The following IQCH variants were observed in gnomAD, a reference collection of about 807,000 sequenced individuals.
The protein encoded by IQCH is IQ domain-containing protein H.
In IQCH, 98 loss-of-function variants were observed where a neutral mutation model predicts 117.0. The ratio of observed to expected loss-of-function variants is 0.84; its 90% CI spans 0.71 to 0.99. IQCH has a LOEUF of 0.99. Ranked by LOEUF, IQCH falls within the 50% of genes least tolerant of loss-of-function variation. The pLI, the probability that IQCH is intolerant of heterozygous loss-of-function variation, is 0.00. For synonymous variants in IQCH, 412 were observed against 448.2 expected, an observed-to-expected ratio of 0.92 and a Z score of 1.02; for missense variants, 1,102 against 1,243.8, an observed-to-expected ratio of 0.89 and a Z score of 1.72.
chr15:67,302,226 C>T (rs148825606), intron 4 of IQCH, among the ~76,000 whole-genome samples: 3 of 152,156 alleles, frequency 2.0e-5, no homozygotes, highest in African/African-American at 4.8e-5. Flanking sequence ...TTAAAAACAC[C>T]CTAATTACAG....
At chr15:67,323,265 C>T (rs140958912) in intron 4 of IQCH, among the ~76,000 whole-genome samples, 9,533 of 110,474 alleles carry the variant, frequency 0.086, 469 homozygotes, top group East Asian at 0.23. Context: ...TTTTTTGAGA[C>T]GGAGTCTTGC....
intron 18 of IQCH, among the ~76,000 whole-genome samples, chr15:67,477,434 C>G (rs1596467488): frequency 6.6e-6 from 1 of 152,188 alleles, no homozygotes; most frequent in East Asian, 1.9e-4. Context: ...TGGCAATCCC[C>G]AGCAGGCTGC....
chr15:67,304,706 G>A (rs1967213530), intron 4 of IQCH, among the ~76,000 whole-genome samples: 1 of 151,850 alleles, frequency 6.6e-6, no homozygotes, highest in Non-Finnish European at 1.5e-5. Flanking sequence ...AAATAATCTA[G>A]TACCATAATT....
chr15:67,460,903 A>G (rs769192502), intron 16 of IQCH, among the ~76,000 whole-genome samples: 21 of 152,208 alleles, frequency 1.4e-4, no homozygotes, highest in African/African-American at 4.8e-4. Context: ...GCCAGTTATT[A>G]TAAGTCATCA....
intron 16 of IQCH, among the ~76,000 whole-genome samples, chr15:67,434,985 TTG>T (rs200846658): frequency 0.028 from 1,233 of 43,542 alleles, 23 homozygotes; most frequent in African/African-American, 0.057. Flanking sequence ...TTTTGTATCT[TTG>T]TTTTTTTTTT....
intron 4 of IQCH, among the ~76,000 whole-genome samples, chr15:67,292,995 C>G (rs937182502): frequency 6.6e-6 from 1 of 152,186 alleles, no homozygotes; most frequent in Non-Finnish European, 1.5e-5. Context: ...GGAGTAGGCT[C>G]TCAGTAGATG....
At chr15:67,380,862 G>A (rs1970905317) in intron 10 of IQCH, among the ~76,000 whole-genome samples, 1 of 152,178 alleles carries the variant, frequency 6.6e-6, no homozygotes, top group Admixed American at 6.5e-5. Flanking sequence ...CCAAACTGAG[G>A]CATGAATGAC....
chr15:67,428,749 T>C (rs1232276811), intron 16 of IQCH, among the ~76,000 whole-genome samples: 1 of 151,118 alleles, frequency 6.6e-6, no homozygotes, highest in Non-Finnish European at 1.5e-5. Flanking sequence ...CTCAGGAGGC[T>C]GAGGCAGGAG....
chr15:67,278,851 C>T (rs1451307779), intron 3 of IQCH, among the ~76,000 whole-genome samples: 1 of 152,142 alleles, frequency 6.6e-6, no homozygotes, highest in Admixed American at 6.5e-5. Context: ...ACATGACACA[C>T]AAGTACTCAT....
Position 67,388,487 on chromosome 15 carries a change from T to C in IQCH, c.1457-344T>C, listed in dbSNP as rs1343890409. Among the ~76,000 whole-genome samples, 1 of 152,256 alleles carries C rather than the reference T, an allele frequency of 6.6e-6. No homozygotes were observed. The highest frequency in any genetic ancestry group is 1.5e-5 in the Non-Finnish European group (1 of 68,050). On this transcript the variant is annotated intron_variant, in intron 11 of 20. Transcript: ENST00000335894. This position sits in a 1 kb window ranked among gnomAD's most constrained non-coding sequence, Gnocchi z 5.5. ...TACTGAAGTTAATGGAATAAATTTTTAAAGCAGTATGTGATTCCCATTGAT... is the reference window on the plus strand; with the variant it reads ...TACTGAAGTTAATGGAATAAATTTTCAAAGCAGTATGTGATTCCCATTGAT...
chr15:67,464,193 G>A (rs1374378956), intron 16 of IQCH, among the ~76,000 whole-genome samples: 3 of 152,166 alleles, frequency 2.0e-5, no homozygotes, highest in East Asian at 1.9e-4. Context: ...TGACTAGGAC[G>A]ATGATATGCC....
intron 13 of IQCH, among the ~76,000 whole-genome samples, chr15:67,398,342 C>A (rs1971534356): frequency 6.6e-6 from 1 of 152,070 alleles, no homozygotes; most frequent in South Asian, 2.1e-4. Context: ...ATTCTCAACA[C>A]ATTAGAGAAA....
At chr15:67,468,042 T>C (rs2082977441) in intron 17 of IQCH, among the ~76,000 whole-genome samples, 1 of 152,164 alleles carries the variant, frequency 6.6e-6, no homozygotes, top group Non-Finnish European at 1.5e-5. Context: ...CACTTGAAGG[T>C]GTAAACAAGG....
rs1053846582 is a variant in IQCH, at chr15:67,491,514, C to T, written c.2861+1450C>T. Among the ~76,000 whole-genome samples, 4 of 152,128 alleles carry T rather than the reference C, an allele frequency of 2.6e-5. No homozygotes were observed. Among genetic ancestry groups the T allele is most frequent in the African/African-American group, 4.8e-5 (2 of 41,428 alleles). ...GGAAGCTGGCTGTTTTGAGTCCTCC[C>T]CTCCAGTTTCAGTCTTCCCCCAAGA... On this transcript the variant is annotated intron_variant, in intron 19 of 20. Transcript: ENST00000335894. This position sits in a 1 kb window ranked among gnomAD's most constrained non-coding sequence, Gnocchi z 4.9.
chr15:67,302,835 T>C (rs912074377), intron 4 of IQCH, among the ~76,000 whole-genome samples: 21 of 152,184 alleles, frequency 1.4e-4, no homozygotes, highest in Admixed American at 5.2e-4. Context: ...CCAGCCTGGG[T>C]GACAGAGCGA....
At chr15:67,286,582 TTTTATTTA>T (rs56267333) in intron 4 of IQCH, among the ~76,000 whole-genome samples, 43,158 of 138,924 alleles carry the variant, frequency 0.31, 6,393 homozygotes, top group South Asian at 0.41. Context: ...CATATATGGC[TTTTATTTA>T]TTTATTTATT....
chr15:67,461,753 G>C (rs970085403), intron 16 of IQCH, among the ~76,000 whole-genome samples: 1 of 152,178 alleles, frequency 6.6e-6, no homozygotes, highest in Non-Finnish European at 1.5e-5. Context: ...TTATCTCAGT[G>C]TCTTCATCTG....
At chr15:67,307,832 C>G (rs1967378420) in intron 4 of IQCH, among the ~76,000 whole-genome samples, 1 of 152,076 alleles carries the variant, frequency 6.6e-6, no homozygotes, top group Non-Finnish European at 1.5e-5. Context: ...GAAGGTCACC[C>G]CCATCTCAGA....
At position 67,321,517 on chromosome 15, in the gene IQCH, CTT is replaced by C. The variant is rs1968131065; in HGVS notation, c.388-15456_388-15455del. Reference sequence around the variant, plus strand: ...CTTTCTTTTTTCTTTCTTTCTTTTTCTTTCTTTCTTTCTTTCCTTCCTTCCTT... The same window carrying C: ...CTTTCTTTTTTCTTTCTTTCTTTTTCTCTTTCTTTCTTTCCTTCCTTCCTT... On this transcript the variant is annotated intron_variant, in intron 4 of 20. Transcript: ENST00000335894. Among the ~76,000 whole-genome samples, 2 of 117,884 alleles carry C rather than the reference CTT, an allele frequency of 1.7e-5. 1 individual carries two copies. Among genetic ancestry groups the C allele is most frequent in the South Asian group, 5.1e-4 (2 of 3,894 alleles). 77.3% of individuals were successfully genotyped at this position (117,884 alleles called of 152,430 possible).
Sources: allele counts gnomAD v4.1 joint callset (sites outside exome capture counted in the v4.1 genomes callset), GRCh38; gene constraint gnomAD v4.1.1; non-coding constraint Gnocchi (gnomAD v3.1); transcripts MANE v1.5; gene names NCBI Gene and HGNC (gene_info 2026-07-23, HGNC 2026-07-21).